Variants in CACNA1C observed in about 807,000 individuals in gnomAD.
CACNA1C encodes calcium voltage-gated channel subunit alpha1 C.
A neutral mutation model predicts 229.0 loss-of-function variants in CACNA1C; 30 were observed. The ratio of observed to expected loss-of-function variants is 0.13; its 90% confidence interval spans 0.10 to 0.18. The LOEUF (loss-of-function observed/expected upper bound fraction) is 0.18, where lower values mean the gene tolerates loss of function less well. Ranked by LOEUF, CACNA1C falls within the 10% of genes least tolerant of loss-of-function variation. The pLI, the probability that CACNA1C is intolerant of heterozygous loss-of-function variation, is 1.00. For synonymous variants in CACNA1C, 1,114 were observed against 1,132.5 expected (o/e 0.98, Z 0.33); for missense variants, 1,658 against 2,845.0 (o/e 0.58, Z 9.49).
At position 2,142,161 on chromosome 12, in the gene CACNA1C, G is replaced by A. The variant is rs568905314; in HGVS notation, c.477+21731G>A. Among the ~76,000 whole-genome samples, 10 of 151,252 alleles carry A rather than the reference G, an allele frequency of 6.6e-5. No individual in the cohort carries two copies. The South Asian group carries it at 1.7e-3, about 26-fold the overall frequency. On this transcript the variant is annotated intron_variant, in intron 3 of 46. Transcript: ENST00000399655. ...GTGTGCAGCTCTGTGCCTTACACAC[G>A]TCACCTCCCACCATCTCCCAAGGAC...
At chr12:2,578,583 C>T (rs2059405887) in intron 13 of CACNA1C, among the ~76,000 whole-genome samples, 1 of 152,120 alleles carries the variant, frequency 6.6e-6, no homozygotes. Flanking sequence ...TGGGAAGTGG[C>T]CAAAGTCAGG....
At chr12:2,594,546 G>A (rs2067116540) in intron 19 of CACNA1C, among the ~76,000 whole-genome samples, 1 of 152,118 alleles carries the variant, frequency 6.6e-6, no homozygotes. Flanking sequence ...TGATTTTCCA[G>A]ATCCATCTCT....
rs143091457 is a variant in CACNA1C at position 2,424,525 on chromosome 12, G to A, written c.478-24451G>A. ...AACTGAATGTTGTCTCAGGGACAGG[G>A]AGATGGAGAGCATTAGGACACTTTG... On this transcript the variant is annotated intron_variant, in intron 3 of 46. Coordinates refer to ENST00000399655, the MANE Select transcript of CACNA1C (RefSeq NM_000719.7). 4.8e-3 allele frequency among the ~76,000 whole-genome samples: 731 copies of A among 152,320 alleles called. 7 individuals carry two copies. Among genetic ancestry groups the A allele is most frequent in the African/African-American group, 0.017 (697 of 41,570 alleles).
Position 1,971,816 on chromosome 12 carries a change from G to C in CACNA1C, c.139+615G>C, listed in dbSNP as rs747834321. Among the ~76,000 whole-genome samples the C allele has an allele frequency of 1.3e-5, 2 of 152,076 alleles. No homozygotes were observed. Among genetic ancestry groups the C allele is most frequent in the Non-Finnish European group, 2.9e-5 (2 of 68,004 alleles). ...ATGTTCCTAATAAATATTTCTGTTT[G>C]ATCTGTTCTTTTAAGATATTTATAA... is the stretch of plus-strand genomic sequence containing the variant. On this transcript the variant is annotated intron_variant, in intron 1 of 46. Transcript: ENST00000682462. This position sits in a 1 kb window ranked among gnomAD's most constrained non-coding sequence, Gnocchi z 4.2.
At chr12:2,498,764 G>T (rs1365675979) in intron 7 of CACNA1C, among the ~76,000 whole-genome samples, 1 of 152,222 alleles carries the variant, frequency 6.6e-6, no homozygotes, top group African/African-American at 2.4e-5. Context: ...TCTGCCTGGG[G>T]AAAGCAAGCT....
intron 3 of CACNA1C, among the ~76,000 whole-genome samples, chr12:2,413,489 G>C (rs1317971156): frequency 2.0e-5 from 3 of 152,158 alleles, no homozygotes; most frequent in Admixed American, 6.5e-5. Context: ...CAGCTGAGAT[G>C]GAAATGTTAA....
chr12:2,035,390 G>A (rs1351511184), intron 1 of CACNA1C, among the ~76,000 whole-genome samples: 1 of 152,248 alleles, frequency 6.6e-6, no homozygotes, highest in African/African-American at 2.4e-5. Context: ...TCTGCAAGAG[G>A]GGCAGTCATG....
chr12:2,406,059 T>C (rs1039720459), intron 3 of CACNA1C, among the ~76,000 whole-genome samples: 6 of 152,216 alleles, frequency 3.9e-5, no homozygotes, highest in African/African-American at 1.4e-4. Flanking sequence ...TTTCCTTCAT[T>C]AGGCACTTGC....
In CACNA1C at chr12:2,376,886, G is replaced by A. The variant is rs149442096; in HGVS notation, c.478-72090G>A. 2.9e-3 allele frequency among the ~76,000 whole-genome samples: 445 copies of A among 152,282 alleles called. 2 individuals carry two copies. Among genetic ancestry groups the A allele is most frequent in the Middle Eastern group, 0.014 (4 of 294 alleles). On this transcript the variant is annotated intron_variant, in intron 3 of 46. Coordinates refer to ENST00000399655, the MANE Select transcript of CACNA1C (RefSeq NM_000719.7). ...TGCCCTAAGAATGCAGAACCCCTGC[G>A]CCACACAAAGCATGCTCGCTACGCC...
rs765393806 is a variant in CACNA1C, at chr12:2,611,974, C to T, written c.3789C>T (p.Thr1263=). The T allele has an allele frequency of 8.1e-6, 13 of 1,613,040 alleles. No individual in the cohort carries two copies. Among genetic ancestry groups the T allele is most frequent in the Admixed American group, 1.7e-5 (1 of 60,012 alleles). Residue 1263 remains threonine, a synonymous_variant, in exon 29 of 47, where the codon ACC becomes ACT. Coordinates refer to ENST00000399655, the MANE Select transcript of CACNA1C (RefSeq NM_000719.7). ...ACATGCTCTTCACTGGCCTCTTCAC[C>T]GTGGAGATGATCCTGAAGCTCATTG... is the stretch of plus-strand genomic sequence containing the variant. The part of the protein sequence containing the change: ...ILNMLFTGLF[T]VEMILKLIAF...
At chr12:2,535,630 C>T (rs571132231) in intron 9 of CACNA1C, among the ~76,000 whole-genome samples, 6 of 141,420 alleles carry the variant, frequency 4.2e-5, no homozygotes, top group South Asian at 2.4e-4. Context: ...CACTTGAACC[C>T]GGGAGTTTTA....
intron 3 of CACNA1C, among the ~76,000 whole-genome samples, chr12:2,161,262 G>A (rs778574204): frequency 3.3e-5 from 5 of 151,910 alleles, no homozygotes; most frequent in Non-Finnish European, 7.4e-5. Flanking sequence ...TGGATGTGGT[G>A]GGATGGGAAG....
intron 34 of CACNA1C, among the ~76,000 whole-genome samples, chr12:2,661,727 G>C (rs1055024199): frequency 1.3e-5 from 2 of 152,172 alleles, no homozygotes; most frequent in Non-Finnish European, 2.9e-5. Flanking sequence ...ACACATAATT[G>C]TCATTGTTTG....
At chr12:2,377,982 T>C (rs1398285059) in intron 3 of CACNA1C, among the ~76,000 whole-genome samples, 1 of 152,190 alleles carries the variant, frequency 6.6e-6, no homozygotes, top group African/African-American at 2.4e-5. Context: ...CTAAGTGATC[T>C]GGCAGTAATC....
intron 5 of CACNA1C, among the ~76,000 whole-genome samples, chr12:2,464,519 A>T (rs1032197791): frequency 2.6e-5 from 4 of 152,110 alleles, no homozygotes; most frequent in African/African-American, 9.7e-5. Flanking sequence ...TTCACTCTTT[A>T]TCCTTTGCTT....
chr12:2,255,443 A>T (rs1206850272), intron 3 of CACNA1C, among the ~76,000 whole-genome samples: 2 of 152,148 alleles, frequency 1.3e-5, no homozygotes, highest in Non-Finnish European at 2.9e-5. Flanking sequence ...CCATGCCTGC[A>T]AGAAGGAAGA....
At chr12:2,308,744 C>A (rs1391862309) in intron 3 of CACNA1C, among the ~76,000 whole-genome samples, 1 of 152,184 alleles carries the variant, frequency 6.6e-6, no homozygotes, top group Non-Finnish European at 1.5e-5. Context: ...GCCCAACAGG[C>A]ATATTGAAGG....
In CACNA1C at chr12:2,602,160, A is replaced by G. The variant is rs569278492; in HGVS notation, c.2960+200A>G. Among the ~76,000 whole-genome samples, 1 of 152,334 alleles carries G rather than the reference A, an allele frequency of 6.6e-6. No individual in the cohort carries two copies. Among genetic ancestry groups the G allele is most frequent in the African/African-American group, 2.4e-5 (1 of 41,576 alleles). ...GTCTGATACTTGGGGCACGTTGATC[A>G]GGTGAGAATATGTTTAATTATCTGG... On this transcript the variant is annotated intron_variant, in intron 22 of 46. Coordinates refer to ENST00000399655, the MANE Select transcript of CACNA1C (RefSeq NM_000719.7). The surrounding 1 kb of genome is among the most constrained non-coding windows in gnomAD (Gnocchi z 4.4).
At chr12:2,564,973 G>T (rs1217639887) in intron 11 of CACNA1C, among the ~76,000 whole-genome samples, 1 of 151,790 alleles carries the variant, frequency 6.6e-6, no homozygotes, top group Non-Finnish European at 1.5e-5. Flanking sequence ...TCCAGCTATG[G>T]TTCTTCTCTC....
Sources: allele counts gnomAD v4.1 joint callset (sites outside exome capture counted in the v4.1 genomes callset), GRCh38; gene constraint gnomAD v4.1.1; non-coding constraint Gnocchi (gnomAD v3.1); transcripts MANE v1.5; gene names NCBI Gene and HGNC (gene_info 2026-07-23, HGNC 2026-07-21).